The following TBPL2 variants were observed in gnomAD, a reference collection of about 807,000 sequenced individuals.
TBPL2 encodes TATA-box binding protein like 2, also known as TATA box-binding protein-like 2.
In TBPL2, 40 loss-of-function variants were observed where a neutral mutation model predicts 38.2. That is an observed-to-expected ratio of 1.05 (90% confidence interval 0.81 to 1.36). TBPL2 has a LOEUF of 1.36. Ranked by LOEUF, TBPL2 falls within the 40% of genes most tolerant of loss-of-function variation. The pLI is 0.00. For synonymous variants in TBPL2, 169 were observed against 171.7 expected (o/e 0.98, Z 0.12); for missense variants, 461 against 456.7 (o/e 1.01, Z -0.09).
chr14:55,428,826 T>A (rs752411610), exon 5 of TBPL2: 1 of 1,614,144 alleles, frequency 6.2e-7, no homozygotes, highest in Non-Finnish European at 8.5e-7. Context: ...TGCTGATGGG[T>A]TAGCACCAAA....
In TBPL2 at chr14:55,440,128, A is replaced by ATC. The variant is rs749807354; in HGVS notation, c.150+267_150+268insGA. ...AATCAATCAATCAATCAATCAATCA[A>ATC]AAACCAGAACAACCTGGGAAGGGCC... is the stretch of plus-strand genomic sequence containing the variant. On this transcript the variant is annotated intron_variant, in intron 1 of 6. Coordinates refer to ENST00000247219, the Ensembl canonical transcript of TBPL2. 1.5e-3 allele frequency among the ~76,000 whole-genome samples: 221 copies of ATC among 152,010 alleles called. 1 individual carries two copies. The highest frequency in any genetic ancestry group is 3.4e-3 in the Middle Eastern group (1 of 294).
chr14:55,432,037 G>A (rs1885936171), intron 4 of TBPL2, among the ~76,000 whole-genome samples: 3 of 152,068 alleles, frequency 2.0e-5, no homozygotes, highest in South Asian at 4.1e-4. Flanking sequence ...AATGCCTTAA[G>A]GGCAAAGCCA....
intron 1 of TBPL2, chr14:55,438,960 C>T (rs7146080): frequency 0.53 from 73,801 of 138,618 alleles, 19,725 homozygotes; most frequent in East Asian, 0.65. Flanking sequence ...TTTTTTGAGA[C>T]GGAGTCTCAC....
intron 2 of TBPL2, 59 bp from the exon 3 acceptor site, chr14:55,435,993 A>AAAT: frequency 8.9e-7 from 1 of 1,127,018 alleles, no homozygotes. Context: ...AAAAAAAAAA[A>AAAT]GACAACTTAT....
chr14:55,426,578 G>A (rs1047529176), intron 5 of TBPL2, among the ~76,000 whole-genome samples: 13 of 152,122 alleles, frequency 8.5e-5, no homozygotes, highest in African/African-American at 3.1e-4. Context: ...AATGTTCCCA[G>A]TGTCAAGAAT....
chr14:55,427,894 T>C (rs913713468), intron 5 of TBPL2, among the ~76,000 whole-genome samples: 4 of 150,364 alleles, frequency 2.7e-5, no homozygotes, highest in Admixed American at 2.6e-4. Context: ...TTTTTTTTTT[T>C]TTTTGAGACG....
intron 5 of TBPL2, 74 bp from the exon 6 acceptor site, chr14:55,424,327 A>G: frequency 1.1e-6 from 1 of 907,250 alleles, no homozygotes; most frequent in Admixed American, 2.2e-5. Flanking sequence ...AAGGCCCAGT[A>G]TATTAAAGTG....
chr14:55,433,543 A>G, intron 4 of TBPL2, 87 bp downstream of exon 4: 1 of 1,285,412 alleles, frequency 7.8e-7, no homozygotes. Flanking sequence ...TGCTTCTACT[A>G]TGTGCTTTAG....
chr14:55,435,518 C>T (rs1336734089), intron 3 of TBPL2, among the ~76,000 whole-genome samples: 1 of 152,114 alleles, frequency 6.6e-6, no homozygotes, highest in Non-Finnish European at 1.5e-5. Context: ...TCGTGATCCA[C>T]CTGCCTCAGC....
At chr14:55,430,427 AT>A (rs1295003193) in intron 4 of TBPL2, among the ~76,000 whole-genome samples, 1 of 137,916 alleles carries the variant, frequency 7.3e-6, no homozygotes, top group African/African-American at 2.7e-5. Flanking sequence ...AAAAAAAGAG[AT>A]TGGGTTTTTG....
In TBPL2 at chr14:55,424,143, T is replaced by C; in HGVS notation, c.1051+16A>G. ...CAATTACATTTTATGAGTCAGAAAA[T>C]AATCTTAGCACTTACCTGTCAACAC... On this transcript the variant is annotated intron_variant, in intron 6 of 6. Coordinates refer to ENST00000247219, the Ensembl canonical transcript of TBPL2. 6.3e-7 allele frequency: 1 copy of C among 1,587,784 alleles called. No individual in the cohort carries two copies.
intron 1 of TBPL2, 82 bp from the exon 2 acceptor site, chr14:55,437,100 C>T (rs1344611760): frequency 2.4e-6 from 3 of 1,239,676 alleles, no homozygotes. Context: ...CTATGGCAGG[C>T]AGGCAGGCAA....
chr14:55,432,530 AAAC>A (rs141086260), intron 4 of TBPL2, among the ~76,000 whole-genome samples: 35,631 of 151,934 alleles, frequency 0.23, 7,183 homozygotes, highest in African/African-American at 0.56. Context: ...AACAAAACAA[AAAC>A]AAAAGATAAA....
At chr14:55,426,948 C>A (rs1182003033) in intron 5 of TBPL2, among the ~76,000 whole-genome samples, 1 of 141,042 alleles carries the variant, frequency 7.1e-6, no homozygotes, top group Non-Finnish European at 1.5e-5. Context: ...GAACCACACA[C>A]ATCATTTTCG....
At chr14:55,439,614 A>C (rs112414289) in intron 1 of TBPL2, among the ~76,000 whole-genome samples, 23,544 of 77,352 alleles carry the variant, frequency 0.3, 4,421 homozygotes, top group East Asian at 0.38. Flanking sequence ...AGAAAAGCAA[A>C]CCCCCCCCCG....
chr14:55,424,820 A>G (rs1028239839), intron 5 of TBPL2, among the ~76,000 whole-genome samples: 2 of 152,164 alleles, frequency 1.3e-5, no homozygotes, highest in Admixed American at 6.5e-5. Context: ...TTACTACTAA[A>G]TATAAGCTGG....
chr14:55,434,124 T>A (rs1056431432), intron 3 of TBPL2, among the ~76,000 whole-genome samples: 1 of 152,234 alleles, frequency 6.6e-6, no homozygotes, highest in Non-Finnish European at 1.5e-5. Context: ...CACTTCCTTT[T>A]TCTTTTGAAG....
intron 3 of TBPL2, among the ~76,000 whole-genome samples, chr14:55,434,350 G>A (rs117441282): frequency 6.6e-6 from 1 of 152,158 alleles, no homozygotes; most frequent in Admixed American, 6.5e-5. Flanking sequence ...ACTCGTGAGG[G>A]TAGGGAACCT....
At position 55,424,844 on chromosome 14, in the gene TBPL2, C is replaced by T. The variant is rs557966939; in HGVS notation, c.957-591G>A. On this transcript the variant is annotated intron_variant, in intron 5 of 6. Coordinates refer to ENST00000247219, the Ensembl canonical transcript of TBPL2. ...AATATAAGCTGGCCACTCCATGGAG[C>T]GAAAGATGATAGCACTTAAGAGCTT... Among the ~76,000 whole-genome samples, 86 of 152,134 alleles carry T rather than the reference C, an allele frequency of 5.7e-4. No individual in the cohort carries two copies. The East Asian group carries it at 0.015, about 27-fold the overall frequency.
Sources: allele counts gnomAD v4.1 joint callset (sites outside exome capture counted in the v4.1 genomes callset), GRCh38; gene constraint gnomAD v4.1.1; transcripts MANE v1.5; gene names NCBI Gene and HGNC (gene_info 2026-07-23, HGNC 2026-07-21).